The following SOX30 variants were observed in gnomAD, a reference collection of about 807,000 sequenced individuals.
The protein encoded by SOX30 is SRY-box transcription factor 30, also known as transcription factor SOX-30.
In SOX30, 17 loss-of-function variants were observed where a neutral mutation model predicts 58.6. The observed-to-expected ratio is 0.29, with a 90% confidence interval of 0.20 to 0.44. The LOEUF (loss-of-function observed/expected upper bound fraction) is 0.44. Ranked by LOEUF, SOX30 falls within the 20% of genes least tolerant of loss-of-function variation. The pLI is 1.00. For synonymous variants in SOX30, 421 were observed against 400.2 expected (o/e 1.05, Z -0.62); for missense variants, 951 against 965.8 (o/e 0.98, Z 0.20).
At chr5:157,668,711 C>G (rs1759714244) in intron 1 of SOX30, among the ~76,000 whole-genome samples, 1 of 152,184 alleles carries the variant, frequency 6.6e-6, no homozygotes, top group Admixed American at 6.5e-5. Flanking sequence ...GACCTGCAGA[C>G]TGGGAGTGCT....
At chr5:157,635,037 T>C (rs180721459) in intron 4 of SOX30, among the ~76,000 whole-genome samples, 1 of 152,378 alleles carries the variant, frequency 6.6e-6, no homozygotes, top group African/African-American at 2.4e-5. Context: ...TAGGGTTTAC[T>C]GAAATATACT....
Position 157,651,137 on chromosome 5 carries a change from C to A in SOX30, c.942G>T (p.Pro314=). The A allele has an allele frequency of 6.4e-7, 1 of 1,559,294 alleles. No homozygotes were observed. The highest frequency in any genetic ancestry group is 8.7e-7 in the Non-Finnish European group (1 of 1,152,764). The change falls in exon 1 of 5, where the codon CCG becomes CCT. Residue 314 remains proline (P), a synonymous_variant. Transcript: ENST00000265007. The part of the protein sequence containing the change: ...PSVKIETKDV[P]LTVLPSDAGI... ...CTGCATCTGAGGGCAACACGGTGAGCGGGACATCTTTGGTTTCAATTTTTA... is the reference window on the plus strand; with the variant it reads ...CTGCATCTGAGGGCAACACGGTGAGAGGGACATCTTTGGTTTCAATTTTTA...
chr5:157,651,782 C>A lies in SOX30; in HGVS notation c.297G>T (p.Arg99=). The part of the protein sequence containing the change: ...EEAAASSAQA[R]LLQFRPDLRL... ...GCAGGTCGGGCCTGAACTGCAACAGCCGCGCCTGCGCGGACGAGGCAGCGG... is the reference window on the plus strand; with the variant it reads ...GCAGGTCGGGCCTGAACTGCAACAGACGCGCCTGCGCGGACGAGGCAGCGG... Residue 99 remains arginine (R), a synonymous_variant, in exon 1 of 5, where the codon CGG becomes CGT. Coordinates refer to ENST00000265007, the MANE Select transcript of SOX30 (RefSeq NM_178424.2). 6.4e-7 allele frequency: 1 copy of A among 1,567,458 alleles called. No homozygotes were observed.
Sources: allele counts gnomAD v4.1 joint callset (sites outside exome capture counted in the v4.1 genomes callset), GRCh38; gene constraint gnomAD v4.1.1; transcripts MANE v1.5; gene names NCBI Gene and HGNC (gene_info 2026-07-23, HGNC 2026-07-21).